Variants in GLT6D1 observed in about 807,000 individuals in gnomAD.
The protein encoded by GLT6D1 is putative glycosyltransferase 6 domain-containing protein 1.
GLT6D1 carries 9 observed loss-of-function variants against 12.3 expected under a neutral mutation model. The ratio of observed to expected loss-of-function variants is 0.73; its 90% CI spans 0.44 to 1.27. GLT6D1 has a LOEUF of 1.27. Ranked by LOEUF, GLT6D1 falls within the 50% of genes most tolerant of loss-of-function variation. The pLI is 0.00. For missense variants in GLT6D1, 335 were observed against 346.2 expected, an observed-to-expected ratio of 0.97 and a Z score of 0.26; for synonymous variants, 128 against 132.3, an observed-to-expected ratio of 0.97 and a Z score of 0.23.
chr9:135,639,826 G>A (rs1283913765), upstream of GLT6D1, among the ~76,000 whole-genome samples: 2 of 149,394 alleles, frequency 1.3e-5, no homozygotes, highest in African/African-American at 4.9e-5. Context: ...GCAGGTCTCT[G>A]ATTCTCTGAT....
chr9:135,628,797 C>T (rs906976644), intron 3 of GLT6D1, among the ~76,000 whole-genome samples: 2 of 151,858 alleles, frequency 1.3e-5, no homozygotes, highest in Non-Finnish European at 2.9e-5. Context: ...CTTCTTTAGT[C>T]TTTCTAGGAA....
At chr9:135,630,815 T>C (rs1420635910) in intron 3 of GLT6D1, among the ~76,000 whole-genome samples, 1 of 152,182 alleles carries the variant, frequency 6.6e-6, no homozygotes, top group East Asian at 1.9e-4. Flanking sequence ...AAAAAGCTGG[T>C]AATACTTTAG....
In GLT6D1 at chr9:135,624,728, T is replaced by C. The variant is rs200651021; in HGVS notation, c.258-58A>G. On this transcript the variant is annotated intron_variant, in intron 4 of 4. Coordinates refer to ENST00000371763, the MANE Select transcript of GLT6D1 (RefSeq NM_182974.3). ...TTTCTCTTTTTTCTTTTCTTTCTTT[T>C]TTTTTTTTTTTTTTTTTTTGAGATG... is the stretch of plus-strand genomic sequence containing the variant. 6.2e-5 allele frequency: 29 copies of C among 469,852 alleles called. No individual in the cohort carries two copies. In the East Asian group the frequency reaches 9.8e-4, roughly 16 times the overall value. 29.1% of individuals were successfully genotyped at this position (469,852 alleles called of 1,614,324 possible).
Position 135,624,679 on chromosome 9 carries a change from C to T in GLT6D1, c.258-9G>A. On this transcript the variant is annotated splice_polypyrimidine_tract_variant and intron_variant, in intron 4 of 4. Coordinates refer to ENST00000371763, the MANE Select transcript of GLT6D1 (RefSeq NM_182974.3). ...GGTACTCCTCTGCAAACCTAGGAAA[C>T]ACACAGTGGGGAAGAAACTTACTTT... 4 of 1,428,810 alleles carry T rather than the reference C, an allele frequency of 2.8e-6. No homozygotes were observed. Among genetic ancestry groups the T allele is most frequent in the Non-Finnish European group, 3.8e-6 (4 of 1,059,434 alleles). The allele number at this position is 1,428,810 out of a possible 1,614,324, so 88.5% of individuals were successfully genotyped here. A position where few individuals can be genotyped will look rare whatever the true frequency, so the allele number is the denominator to read the frequency against.
Position 135,626,156 on chromosome 9 carries a change from C to G in GLT6D1, c.170G>C (p.Trp57Ser), listed in dbSNP as rs750087542. ...TKTDWLAPVLWEGTFDRRVLE... is the reference protein window; with the variant it reads ...TKTDWLAPVLSEGTFDRRVLE... ...GACCCGCCTGTCGAAAGTCCCTTCC[C>G]ATAGGACAGGAGCGAGCCAGTCTGT... The change falls in exon 4 of 5, where the codon TGG becomes TCG. Residue 57 changes from tryptophan to serine, a missense_variant. Physicochemically the swap from Trp to Ser is radical, Grantham distance 177. Transcript: ENST00000371763. 6.2e-7 allele frequency: 1 copy of G among 1,613,730 alleles called. No homozygotes were observed.
At chr9:135,635,982 C>T (rs1191756200) in intron 2 of GLT6D1, among the ~76,000 whole-genome samples, 1 of 139,544 alleles carries the variant, frequency 7.2e-6, no homozygotes, top group Non-Finnish European at 1.6e-5. Context: ...AACTCATATT[C>T]CTGTGGGAAA....
intron 3 of GLT6D1, among the ~76,000 whole-genome samples, chr9:135,627,216 CA>C (rs1324479342): frequency 1.4e-5 from 2 of 140,674 alleles, no homozygotes; most frequent in Non-Finnish European, 3.1e-5. Flanking sequence ...TAATTGTCTA[CA>C]TAGAAAATCC....
At chr9:135,628,250 T>C (rs1833561669) in intron 3 of GLT6D1, among the ~76,000 whole-genome samples, 1 of 152,120 alleles carries the variant, frequency 6.6e-6, no homozygotes, top group Admixed American at 6.5e-5. Flanking sequence ...TTGAGGAAGT[T>C]CCCTTCCATT....
chr9:135,627,400 A>G (rs762540694), intron 3 of GLT6D1, among the ~76,000 whole-genome samples: 3 of 152,224 alleles, frequency 2.0e-5, no homozygotes, highest in African/African-American at 4.8e-5. Context: ...AGAAAATGAA[A>G]TACTTTGATA....
At chr9:135,625,044 C>T (rs1455432859) in intron 4 of GLT6D1, among the ~76,000 whole-genome samples, 2 of 151,898 alleles carry the variant, frequency 1.3e-5, no homozygotes, top group Non-Finnish European at 2.9e-5. Context: ...TGTGCCCGGC[C>T]GACACTTACT....
At chr9:135,624,790 C>T (rs1190300545) in intron 4 of GLT6D1, 120 bp from the exon 5 acceptor site, 11 of 606,728 alleles carry the variant, frequency 1.8e-5, no homozygotes, top group Admixed American at 4.2e-5. Context: ...AGTGCAGTGG[C>T]GTGATCTCGG....
chr9:135,636,385 A>G (rs1041939884), intron 2 of GLT6D1, among the ~76,000 whole-genome samples: 3 of 152,022 alleles, frequency 2.0e-5, no homozygotes, highest in Non-Finnish European at 4.4e-5. Context: ...AACTCCACTC[A>G]TTCCTAAGTT....
rs148577308 is a variant in GLT6D1, at chr9:135,628,872, A to G, written c.119+2559T>C. ...CAATTAATCACAGTATTCACTTATA[A>G]TCCTTATTATTTCTGGAAGTTGGTG... On this transcript the variant is annotated intron_variant, in intron 3 of 4. Coordinates refer to ENST00000371763, the MANE Select transcript of GLT6D1 (RefSeq NM_182974.3). 4.4e-3 allele frequency among the ~76,000 whole-genome samples: 662 copies of G among 152,062 alleles called. 2 individuals are homozygous for G. The highest frequency in any genetic ancestry group is 9.5e-3 in the African/African-American group (396 of 41,548).
chr9:135,628,076 G>A (rs1833558655), intron 3 of GLT6D1, among the ~76,000 whole-genome samples: 2 of 152,006 alleles, frequency 1.3e-5, no homozygotes, highest in African/African-American at 2.4e-5. Context: ...TATATATTCT[G>A]GATATTAGGC....
At chr9:135,628,198 TTTACCTATTTTTTA>T (rs1833560364) in intron 3 of GLT6D1, among the ~76,000 whole-genome samples, 1 of 152,134 alleles carries the variant, frequency 6.6e-6, no homozygotes. Context: ...TGAAGTCCAC[TTTACCTATTTTTTA>T]TTGTTGTTGT....
Position 135,626,187 on chromosome 9 carries a change from T to C in GLT6D1, c.139A>G (p.Thr47Ala). Reference sequence around the variant, plus strand: ...ACAGGAGCGAGCCAGTCTGTTTTCGTTATAACATCAGGGCGTTTTCTGTGG... The same window carrying C: ...ACAGGAGCGAGCCAGTCTGTTTTCGCTATAACATCAGGGCGTTTTCTGTGG... ...FHPRKRPDVITKTDWLAPVLW... is the reference protein window; with the variant it reads ...FHPRKRPDVIAKTDWLAPVLW... Residue 47 changes from threonine (T) to alanine (A), a missense_variant, in exon 4 of 5, where the codon ACG (threonine) becomes GCG (alanine). Physicochemically the swap from Thr to Ala is moderately conservative, Grantham distance 58 (BLOSUM62 0). Coordinates refer to ENST00000371763, the MANE Select transcript of GLT6D1 (RefSeq NM_182974.3). The C allele has an allele frequency of 6.2e-7, 1 of 1,614,060 alleles. No individual in the cohort carries two copies. The highest frequency in any genetic ancestry group is 8.5e-7 in the Non-Finnish European group (1 of 1,180,010).
chr9:135,632,192 G>A (rs1307648892), intron 2 of GLT6D1, among the ~76,000 whole-genome samples: 1 of 149,178 alleles, frequency 6.7e-6, no homozygotes, highest in Non-Finnish European at 1.5e-5. Context: ...GAGTGCAGTG[G>A]CATCATCACA....
At position 135,634,215 on chromosome 9, in the gene GLT6D1, G is replaced by A. The variant is rs373760126; in HGVS notation, c.72-2737C>T. ...GCGATTTCAGCTCACTGCAACCTCC[G>A]CCTCCCAGATTCAAGCTATTCTCCT... is the stretch of plus-strand genomic sequence containing the variant. On this transcript the variant is annotated intron_variant, in intron 2 of 4. Transcript: ENST00000371763. Among the ~76,000 whole-genome samples the A allele has an allele frequency of 8.6e-5, 13 of 152,032 alleles. No individual in the cohort carries two copies. The East Asian group carries it at 2.1e-3, about 25-fold the overall frequency.
chr9:135,640,288 C>T (rs949533444), upstream of GLT6D1, among the ~76,000 whole-genome samples: 14 of 152,086 alleles, frequency 9.2e-5, no homozygotes, highest in Non-Finnish European at 1.6e-4. Flanking sequence ...AACTTCACAT[C>T]GATCACAGGT....
Sources: allele counts gnomAD v4.1 joint callset (sites outside exome capture counted in the v4.1 genomes callset), GRCh38; gene constraint gnomAD v4.1.1; transcripts MANE v1.5; gene names NCBI Gene and HGNC (gene_info 2026-07-23, HGNC 2026-07-21).